The following MRC1 variants were observed in gnomAD, a reference collection of about 807,000 sequenced individuals.
MRC1 encodes the protein mannose receptor C-type 1.
MRC1 carries 62 observed loss-of-function variants against 102.9 expected under a neutral mutation model. That is an observed-to-expected ratio of 0.60 (90% CI 0.49 to 0.74). The LOEUF is 0.74. Ranked by LOEUF, MRC1 falls within the 30% of genes least tolerant of loss-of-function variation. The pLI is 0.00. For missense variants in MRC1, 1,237 were observed against 862.8 expected, an observed-to-expected ratio of 1.43 and a Z score of -5.43; for synonymous variants, 457 against 298.4, an observed-to-expected ratio of 1.53 and a Z score of -5.48.
intron 21 of MRC1, among the ~76,000 whole-genome samples, chr10:17,883,302 A>T (rs971027228): frequency 6.6e-5 from 10 of 151,746 alleles, no homozygotes; most frequent in African/African-American, 2.2e-4. Flanking sequence ...TAATTTTTAA[A>T]TTTTTTTGTA....
intron 8 of MRC1, among the ~76,000 whole-genome samples, chr10:17,855,220 G>C (rs1176120787): frequency 6.6e-6 from 1 of 152,092 alleles, no homozygotes; most frequent in Non-Finnish European, 1.5e-5. Flanking sequence ...GATTTTTCTG[G>C]ATGGCGTATA....
intron 4 of MRC1, among the ~76,000 whole-genome samples, chr10:17,838,489 G>T (rs1327771637): frequency 6.6e-6 from 1 of 151,746 alleles, no homozygotes; most frequent in Non-Finnish European, 1.5e-5. Flanking sequence ...GTGAAATTTG[G>T]CTTGTTTCCC....
intron 1 of MRC1, among the ~76,000 whole-genome samples, chr10:17,812,211 C>T (rs980315314): frequency 1.3e-5 from 2 of 152,168 alleles, no homozygotes; most frequent in Admixed American, 1.3e-4. Flanking sequence ...CAGGGCTAGA[C>T]GCTCACCTTT....
At chr10:17,810,176 T>C (rs1838201351) in intron 1 of MRC1, among the ~76,000 whole-genome samples, 1 of 152,208 alleles carries the variant, frequency 6.6e-6, no homozygotes, top group Non-Finnish European at 1.5e-5. Context: ...TAGGAACAGC[T>C]CCAGAGTTGT....
chr10:17,872,294 T>C (rs1833365279), intron 15 of MRC1, among the ~76,000 whole-genome samples, 168 bp downstream of exon 15: 1 of 152,140 alleles, frequency 6.6e-6, no homozygotes, highest in African/African-American at 2.4e-5. Context: ...CACAGATAAA[T>C]GTGCCAAAGG....
intron 12 of MRC1, among the ~76,000 whole-genome samples, chr10:17,867,394 T>C (rs1174937400): frequency 2.1e-5 from 3 of 139,722 alleles, no homozygotes; most frequent in African/African-American, 8.6e-5. Flanking sequence ...TTCTCCTTCT[T>C]CTCCTTCTTC....
intron 5 of MRC1, among the ~76,000 whole-genome samples, chr10:17,844,924 T>C (rs1343460160): frequency 2.6e-5 from 4 of 152,178 alleles, no homozygotes; most frequent in African/African-American, 9.7e-5. Context: ...TTTTTTTTTA[T>C]GGCGGCATAA....
At position 17,879,743 on chromosome 10, in the gene MRC1, G is replaced by A. The variant is rs1833487654; in HGVS notation, c.2641G>A (p.Asp881Asn). 2 of 780,738 alleles carry A rather than the reference G, an allele frequency of 2.6e-6. No individual in the cohort carries two copies. Among genetic ancestry groups the A allele is most frequent in the Admixed American group, 1.7e-5 (1 of 59,010 alleles). The allele number at this position is 780,738 out of a possible 1,614,324, so 48.4% of individuals were successfully genotyped here. ...CAGTTGGATGGATGGAAGCAAAGTG[G>A]ATTACGTGTCTTGGGCCACAGGTGA... is the stretch of plus-strand genomic sequence containing the variant. The part of the protein sequence containing the change: ...KFAWMDGSKV[D>N]YVSWATGEPN... The change falls in exon 19 of 30, where the codon GAT becomes AAT. Residue 881 changes from aspartate to asparagine, a missense_variant. Transcript: ENST00000569591.
intron 22 of MRC1, among the ~76,000 whole-genome samples, chr10:17,892,617 A>G (rs1309189135): frequency 6.6e-6 from 1 of 152,124 alleles, no homozygotes; most frequent in Non-Finnish European, 1.5e-5. Context: ...AGTTCTCAGC[A>G]TTTTCTTTAA....
chr10:17,907,468 G>A (rs1482454270), intron 27 of MRC1, 66 bp from the exon 28 acceptor site: 1 of 778,338 alleles, frequency 1.3e-6, no homozygotes, highest in Admixed American at 1.7e-5. Flanking sequence ...CACATAAATT[G>A]GCTGAACTTA....
At chr10:17,863,754 G>A (rs1217856611) in intron 11 of MRC1, 72 bp downstream of exon 11, 16 of 742,780 alleles carry the variant, frequency 2.2e-5, no homozygotes, top group Admixed American at 1.3e-4. Flanking sequence ...TTATTCCTCC[G>A]GGTATCTCTG....
intron 6 of MRC1, among the ~76,000 whole-genome samples, chr10:17,846,541 G>T (rs1366486830): frequency 6.6e-6 from 1 of 152,000 alleles, no homozygotes; most frequent in East Asian, 1.9e-4. Context: ...TAAATAATAA[G>T]GTTTTCCCTA....
At chr10:17,878,767 A>G (rs928036645) in intron 18 of MRC1, among the ~76,000 whole-genome samples, 2 of 151,994 alleles carry the variant, frequency 1.3e-5, no homozygotes, top group Non-Finnish European at 2.9e-5. Flanking sequence ...GGTTCAAGCA[A>G]TCCTTCCGCT....
At chr10:17,860,121 A>G (rs1015010566) in intron 9 of MRC1, among the ~76,000 whole-genome samples, 62 of 152,276 alleles carry the variant, frequency 4.1e-4, no homozygotes, top group Non-Finnish European at 7.2e-4. Context: ...CTAGGATCTC[A>G]TATGTCCTTG....
Position 17,887,090 on chromosome 10 carries a change from T to C in MRC1, c.3147+1655T>C, listed in dbSNP as rs956715474. On this transcript the variant is annotated intron_variant, in intron 22 of 29. Transcript: ENST00000569591. Reference sequence around the variant, plus strand: ...TGGAGCCAGACAGCAGCCCATAGGGTTGCTGTGTCTGTGAAGTAGCCATTC... The same window carrying C: ...TGGAGCCAGACAGCAGCCCATAGGGCTGCTGTGTCTGTGAAGTAGCCATTC... Among the ~76,000 whole-genome samples the C allele has an allele frequency of 1.2e-4, 19 of 152,160 alleles. No homozygotes were observed. In the South Asian group the frequency reaches 4.0e-3, roughly 32 times the overall value.
Position 17,875,096 on chromosome 10 carries a change from C to T in MRC1, c.2393C>T (p.Pro798Leu). ...TTTCTCATTAACTTTTCAGATCCAC[C>T]AGTTACTGAAGATGGGTGGGTTATT... ...EPTPAPQDNP[P>L]VTEDGWVIYK... is the part of the protein sequence containing the mutation. The change falls in exon 17 of 30, where the codon CCA becomes CTA. Residue 798 changes from proline (P) to leucine (L), a missense_variant. Transcript: ENST00000569591. 1.3e-6 allele frequency: 1 copy of T among 780,740 alleles called. No homozygotes were observed. Among genetic ancestry groups the T allele is most frequent in the Non-Finnish European group, 2.4e-6 (1 of 417,928 alleles). 48.4% of individuals were successfully genotyped at this position (780,740 alleles called of 1,614,324 possible).
chr10:17,853,099 A>G lies in MRC1; in HGVS notation c.1382A>G (p.Glu461Gly). The G allele has an allele frequency of 9.0e-6, 7 of 780,840 alleles. No individual in the cohort carries two copies. The highest frequency in any genetic ancestry group is 1.4e-5 in the Non-Finnish European group (6 of 417,938). 48.4% of individuals were successfully genotyped at this position (780,840 alleles called of 1,614,324 possible). ...CCAAGCCATGAAAACAACAGACAGGAGGATTGTGTGGTGATGAAAGGCAAG... is the reference window on the plus strand; with the variant it reads ...CCAAGCCATGAAAACAACAGACAGGGGGATTGTGTGGTGATGAAAGGCAAG... ...GEPSHENNRQEDCVVMKGKDG... is the reference protein window; with the variant it reads ...GEPSHENNRQGDCVVMKGKDG... Residue 461 changes from glutamate (E) to glycine (G), a missense_variant, in exon 8 of 30, where the codon GAG becomes GGG. Coordinates refer to ENST00000569591, the MANE Select transcript of MRC1 (RefSeq NM_002438.4).
chr10:17,827,418 C>A, intron 2 of MRC1, 124 bp from the exon 3 acceptor site: 2 of 426,786 alleles, frequency 4.7e-6, no homozygotes, highest in Admixed American at 3.0e-5. Context: ...AAAGAAATCC[C>A]TCTGTGGGTG....
At chr10:17,903,658 A>G (rs1415658491) in intron 26 of MRC1, among the ~76,000 whole-genome samples, 1 of 151,680 alleles carries the variant, frequency 6.6e-6, no homozygotes. Flanking sequence ...GGCTTCCCAA[A>G]GTACTGGGAT....
Sources: allele counts gnomAD v4.1 joint callset (sites outside exome capture counted in the v4.1 genomes callset), GRCh38; gene constraint gnomAD v4.1.1; transcripts MANE v1.5; gene names NCBI Gene and HGNC (gene_info 2026-07-23, HGNC 2026-07-21).